MAPKAP1: variants seen among roughly 807,000 people sequenced by gnomAD.
MAPKAP1 encodes MAPK associated protein 1.
Under a neutral mutation model 65.7 loss-of-function variants are expected in MAPKAP1, and 20 were observed. That is an observed-to-expected ratio of 0.30 (90% CI 0.21 to 0.44). MAPKAP1 has a LOEUF of 0.44. MAPKAP1 is among the 20% of genes least tolerant of loss of function. The probability of loss-of-function intolerance (pLI) is 1.00; values close to 1 mark genes in which losing one functional copy is unlikely to be tolerated. For missense variants in MAPKAP1, 423 were observed against 648.0 expected (o/e 0.65, Z 3.77); for synonymous variants, 222 against 244.3 (o/e 0.91, Z 0.85).
At chr9:125,444,386 G>A (rs1852616954) in intron 11 of MAPKAP1, 115 bp downstream of exon 11, 4 of 784,054 alleles carry the variant, frequency 5.1e-6, no homozygotes, top group Non-Finnish European at 8.2e-6. Context: ...GCCAAACTGG[G>A]CCCGGGAACC....
Position 125,490,645 on chromosome 9 carries a change from G to A in MAPKAP1, c.1067-6062C>T, listed in dbSNP as rs184253828. Among the ~76,000 whole-genome samples the A allele has an allele frequency of 3.9e-5, 6 of 152,310 alleles. No individual in the cohort carries two copies. In the East Asian group the frequency reaches 9.6e-4, roughly 24 times the overall value. ...CAAAAATTAATACCCACAATTATCT[G>A]AAAAGGCTATTGAAATATTCTTCCC... On this transcript the variant is annotated intron_variant, in intron 8 of 11. Transcript: ENST00000265960.
rs144922148 is a variant in MAPKAP1 at position 125,502,554 on chromosome 9, T to C, written c.1066+3756A>G. ...CTATTATTATTTCTTTATTAAACCA[T>C]GGGTTCAGAAACCTGTTTCTCAATT... On this transcript the variant is annotated intron_variant, in intron 8 of 11. Transcript: ENST00000265960. Among the ~76,000 whole-genome samples, 718 of 152,360 alleles carry C rather than the reference T, an allele frequency of 4.7e-3. 6 individuals carry two copies. The highest frequency in any genetic ancestry group is 0.016 in the African/African-American group (671 of 41,590).
At chr9:125,577,171 GC>G (rs1189391428) in intron 5 of MAPKAP1, among the ~76,000 whole-genome samples, 1 of 150,644 alleles carries the variant, frequency 6.6e-6, no homozygotes, top group Non-Finnish European at 1.5e-5. Flanking sequence ...CTGCCCTGCC[GC>G]CCCGTCCGGG....
intron 7 of MAPKAP1, among the ~76,000 whole-genome samples, chr9:125,536,166 A>C (rs1830067838): frequency 1.3e-5 from 2 of 152,250 alleles, no homozygotes; most frequent in South Asian, 4.1e-4. Flanking sequence ...AAATTCTCTA[A>C]ATTTCCAGGC....
chr9:125,474,362 G>C, intron 9 of MAPKAP1, among the ~76,000 whole-genome samples: 1 of 152,130 alleles, frequency 6.6e-6, no homozygotes, highest in East Asian at 1.9e-4. Context: ...CTCAGATCTG[G>C]AATGTGGAAA....
chr9:125,648,918 G>A (rs2131731190), intron 4 of MAPKAP1, among the ~76,000 whole-genome samples: 1 of 151,954 alleles, frequency 6.6e-6, no homozygotes, highest in African/African-American at 2.4e-5. Context: ...TCCAGCCTAG[G>A]CGACAGAGAC....
chr9:125,684,838 C>T (rs1015231069), intron 1 of MAPKAP1, among the ~76,000 whole-genome samples: 42 of 152,248 alleles, frequency 2.8e-4, no homozygotes, highest in Admixed American at 5.2e-4. Context: ...TGCACTACCA[C>T]ACCCGGCTAA....
chr9:125,487,614 C>CT (rs1854537933), intron 8 of MAPKAP1, among the ~76,000 whole-genome samples: 1 of 83,924 alleles, frequency 1.2e-5, no homozygotes, highest in African/African-American at 5.6e-5. Flanking sequence ...ATGCCAATTA[C>CT]TAAAAAAAAA....
intron 1 of MAPKAP1, among the ~76,000 whole-genome samples, chr9:125,687,762 C>T (rs967989465): frequency 2.6e-5 from 4 of 152,098 alleles, no homozygotes. Context: ...TCAGCCTGGG[C>T]AACAGAGTGA....
At chr9:125,441,763 A>G (rs1852494310) in intron 11 of MAPKAP1, among the ~76,000 whole-genome samples, 1 of 152,140 alleles carries the variant, frequency 6.6e-6, no homozygotes, top group African/African-American at 2.4e-5. Flanking sequence ...GTACTGGTGC[A>G]AAGCTCACAA....
At chr9:125,629,694 G>C (rs941725088) in intron 4 of MAPKAP1, among the ~76,000 whole-genome samples, 1 of 152,164 alleles carries the variant, frequency 6.6e-6, no homozygotes, top group African/African-American at 2.4e-5. Flanking sequence ...TGACAGCAAC[G>C]TACATATAGT....
At chr9:125,695,716 A>T (rs532242249) in intron 1 of MAPKAP1, among the ~76,000 whole-genome samples, 6 of 151,750 alleles carry the variant, frequency 4.0e-5, no homozygotes, top group African/African-American at 7.3e-5. Context: ...GTACAAGCTG[A>T]AACTATTTCT....
intron 1 of MAPKAP1, among the ~76,000 whole-genome samples, chr9:125,688,392 C>A (rs775311908): frequency 6.6e-6 from 1 of 152,128 alleles, no homozygotes; most frequent in Non-Finnish European, 1.5e-5. Flanking sequence ...CCGGCCTCGG[C>A]CTCCCAAAGT....
Position 125,669,875 on chromosome 9 carries a change from G to C in MAPKAP1, c.292C>G (p.Gln98Glu). 1 of 1,597,462 alleles carries C rather than the reference G, an allele frequency of 6.3e-7. No homozygotes were observed. Among genetic ancestry groups the C allele is most frequent in the Non-Finnish European group, 8.5e-7 (1 of 1,170,264 alleles). Residue 98 changes from glutamine to glutamate, a missense_variant, in exon 3 of 12, where the codon CAA (glutamine) becomes GAA (glutamate). By Grantham distance (29) the Gln-to-Glu change is conservative (BLOSUM62 2). Around this residue, in one of 6 missense-constraint regions of MAPKAP1, gnomAD observed 67 missense variants for 69.6 expected, o/e 0.96. Transcript: ENST00000265960. Reference protein sequence around the residue: ...QRLERLRKERQNQIKCKNIQW... With the variant: ...QRLERLRKERENQIKCKNIQW... ...ATATTTTTGCATTTGATCTGGTTTT[G>C]TCTCTCTTTTCGGAGTCGTTCTAAT... is the stretch of plus-strand genomic sequence containing the variant.
chr9:125,530,809 C>G (rs1173890115), intron 7 of MAPKAP1, among the ~76,000 whole-genome samples: 1 of 152,194 alleles, frequency 6.6e-6, no homozygotes, highest in Non-Finnish European at 1.5e-5. Context: ...AAGGCCAAAT[C>G]ATATGGATAG....
rs57497941 is a variant in MAPKAP1, at chr9:125,464,204, TAAAAAAAAAAAA to T, written c.1345+3756_1345+3767del. 2.2e-4 allele frequency among the ~76,000 whole-genome samples: 18 copies of T among 83,332 alleles called. No homozygotes were observed. The South Asian group carries it at 3.6e-3, about 17-fold the overall frequency. The allele number at this position is 83,332 out of a possible 152,430, so 54.7% of individuals were successfully genotyped here. On this transcript the variant is annotated intron_variant, in intron 10 of 11. Transcript: ENST00000265960. ...CACAGTGAGACCCTGTCTCATATAT[TAAAAAAAAAAAA>T]AAAAAAAAAAAAAAAAAGACCTGTA...
chr9:125,503,375 G>A (rs1197819119), intron 8 of MAPKAP1, among the ~76,000 whole-genome samples: 1 of 152,228 alleles, frequency 6.6e-6, no homozygotes, highest in Non-Finnish European at 1.5e-5. Flanking sequence ...CAGACAGGCA[G>A]ATAATGTCCG....
chr9:125,453,828 T>G lies in MAPKAP1; in HGVS notation c.1346-9230A>C, dbSNP rs764637552. ...ACTTTCATTAATATCACTACTGATA[T>G]TGGAAAAGTCTTTAAGCGATGAGAA... On this transcript the variant is annotated intron_variant, in intron 10 of 11. Transcript: ENST00000265960. Among the ~76,000 whole-genome samples the G allele has an allele frequency of 3.3e-5, 5 of 152,350 alleles. 1 individual carries two copies. The South Asian group carries it at 1.0e-3, about 32-fold the overall frequency.
chr9:125,516,743 C>A (rs140964385), intron 7 of MAPKAP1, among the ~76,000 whole-genome samples: 2 of 152,290 alleles, frequency 1.3e-5, no homozygotes, highest in Non-Finnish European at 2.9e-5. Context: ...ACAAGTTATG[C>A]GACTCTGGGC....
Sources: allele counts gnomAD v4.1 joint callset (sites outside exome capture counted in the v4.1 genomes callset), GRCh38; gene constraint gnomAD v4.1.1; regional missense constraint gnomAD v4.1.1; transcripts MANE v1.5; gene names NCBI Gene and HGNC (gene_info 2026-07-23, HGNC 2026-07-21).